The following ERMARD variants were observed in gnomAD, a reference collection of about 807,000 sequenced individuals.
The protein encoded by ERMARD is ER membrane associated RNA degradation.
In ERMARD, 71 loss-of-function variants were observed where a neutral mutation model predicts 83.9. That is an observed-to-expected ratio of 0.85 (90% confidence interval 0.70 to 1.03). The LOEUF (loss-of-function observed/expected upper bound fraction) is 1.03. ERMARD is among the 50% of genes least tolerant of loss of function. The pLI, the probability that ERMARD is intolerant of heterozygous loss-of-function variation, is 0.00. For synonymous variants in ERMARD, 284 were observed against 298.6 expected, an observed-to-expected ratio of 0.95 and a Z score of 0.50; for missense variants, 838 against 810.9, an observed-to-expected ratio of 1.03 and a Z score of -0.41.
chr6:169,751,728 G>C (rs1050474518), intron 1 of ERMARD, 65 bp downstream of exon 1: 13 of 1,496,490 alleles, frequency 8.7e-6, no homozygotes, highest in Non-Finnish European at 1.2e-5. Flanking sequence ...AGGCTGGGTG[G>C]TGCTCGGCTA....
chr6:169,762,379 A>G (rs1423377454), intron 8 of ERMARD, 50 bp from the exon 9 acceptor site: 1 of 1,548,648 alleles, frequency 6.5e-7, no homozygotes, highest in South Asian at 1.1e-5. Context: ...CTGGCCTAAT[A>G]TTTATTTTTG....
Position 169,755,374 on chromosome 6 carries a change from A to C in ERMARD, c.267A>C (p.Gln89His). The change falls in exon 3 of 18, where the codon CAA becomes CAC. Residue 89 changes from glutamine to histidine, a missense_variant. Gln to His is a conservative substitution (Grantham distance 24). Coordinates refer to ENST00000366773, the MANE Select transcript of ERMARD (RefSeq NM_018341.3). ...ATTTCTTATCTCTGACCAAGGGGCA[A>C]TTTGAAATTCGATATGCACCGTGGT... ...HSHFLSLTKG[Q>H]FEIRYAPWFQ... The C allele has an allele frequency of 6.2e-7, 1 of 1,614,194 alleles. No individual in the cohort carries two copies. Among genetic ancestry groups the C allele is most frequent in the Non-Finnish European group, 8.5e-7 (1 of 1,180,036 alleles).
In ERMARD at chr6:169,776,580, A is replaced by G; in HGVS notation, c.1646A>G (p.Gln549Arg). The part of the protein sequence containing the change: ...ISEQCRRVSS[Q>R]VTVASELRHR... ...GAACAGTGCCGCCGTGTGTCCAGCC[A>G]GGTCACCGTTGCCTCAGAGCTGAGA... The change falls in exon 16 of 18, where the codon CAG (glutamine) becomes CGG (arginine). Residue 549 changes from glutamine (Q) to arginine (R), a missense_variant. Coordinates refer to ENST00000366773, the MANE Select transcript of ERMARD (RefSeq NM_018341.3). 1 of 1,614,262 alleles carries G rather than the reference A, an allele frequency of 6.2e-7. No individual in the cohort carries two copies. Among genetic ancestry groups the G allele is most frequent in the Non-Finnish European group, 8.5e-7 (1 of 1,180,044 alleles).
chr6:169,765,957 G>A (rs550953278), intron 9 of ERMARD, among the ~76,000 whole-genome samples: 5 of 99,156 alleles, frequency 5.0e-5, no homozygotes, highest in South Asian at 3.2e-4. Flanking sequence ...AAGTGATTTC[G>A]TCACGCTGTC....
At chr6:169,756,316 A>G in intron 3 of ERMARD, 22 bp from the exon 4 acceptor site, 1 of 1,460,282 alleles carries the variant, frequency 6.8e-7, no homozygotes, top group Non-Finnish European at 9.5e-7. Flanking sequence ...GTACATCCTA[A>G]TATGTGTTTT....
chr6:169,769,587 A>G lies in ERMARD; in HGVS notation c.1107A>G (p.Arg369=), dbSNP rs1585393906. 1 of 1,612,736 alleles carries G rather than the reference A, an allele frequency of 6.2e-7. No homozygotes were observed. The highest frequency in any genetic ancestry group is 8.5e-7 in the Non-Finnish European group (1 of 1,179,494). Residue 369 remains arginine, a synonymous_variant, in exon 12 of 18, where the codon AGA becomes AGG. Coordinates refer to ENST00000366773, the MANE Select transcript of ERMARD (RefSeq NM_018341.3). ...ACCATCAGGAGGGTCCCCGCATAAG[A>G]GATCATTTAAGCCACGGGGAGATCA... ...FLNHQEGPRI[R]DHLSHGEINL...
chr6:169,781,549 A>C lies in ERMARD; in HGVS notation c.*36A>C. On this transcript the variant is annotated 3_prime_UTR_variant, in exon 18 of 18. Coordinates refer to ENST00000366773, the MANE Select transcript of ERMARD (RefSeq NM_018341.3). Reference sequence around the variant, plus strand: ...GTCAGGATGCTTTTAATTTTAACAGATTTTAACAGCGTGTAAATTAAAAAC... The same window carrying C: ...GTCAGGATGCTTTTAATTTTAACAGCTTTTAACAGCGTGTAAATTAAAAAC... The C allele has an allele frequency of 1.3e-6, 2 of 1,549,174 alleles. No homozygotes were observed. The highest frequency in any genetic ancestry group is 1.7e-6 in the Non-Finnish European group (2 of 1,147,550).
chr6:169,757,101 T>C (rs1790911274), intron 5 of ERMARD, among the ~76,000 whole-genome samples: 1 of 152,124 alleles, frequency 6.6e-6, no homozygotes, highest in African/African-American at 2.4e-5. Context: ...GATTCAGCTG[T>C]CTCCCCCTGC....
chr6:169,769,634 AAAC>A lies in ERMARD; in HGVS notation c.1158_1160del (p.Thr387del). 6.2e-7 allele frequency: 1 copy of A among 1,613,364 alleles called. No homozygotes were observed. Among genetic ancestry groups the A allele is most frequent in the South Asian group, 1.1e-5 (1 of 90,768 alleles). The stretch of plus-strand genomic sequence containing the variant: ...ATCAACTTACATGAATTTTCAAAAG[AAAC>A]AACTAATCAGTTGCTTGCATTTTCT... On this transcript the variant is annotated inframe_deletion, in exon 12 of 18. Transcript: ENST00000366773.
intron 14 of ERMARD, 111 bp downstream of exon 14, chr6:169,775,457 T>C: frequency 8.1e-7 from 1 of 1,238,240 alleles, no homozygotes; most frequent in African/African-American, 1.5e-5. Flanking sequence ...AAGGAGGAAT[T>C]TCTGGGCCTT....
chr6:169,777,737 A>G (rs1403439967), intron 16 of ERMARD, among the ~76,000 whole-genome samples: 1 of 152,156 alleles, frequency 6.6e-6, no homozygotes, highest in Non-Finnish European at 1.5e-5. Flanking sequence ...AAATGAGGCA[A>G]TAATGTTTGC....
intron 2 of ERMARD, 25 bp downstream of exon 2, chr6:169,754,057 A>G (rs770807460): frequency 1.3e-6 from 2 of 1,573,748 alleles, no homozygotes; most frequent in South Asian, 1.2e-5. Flanking sequence ...TGTACTCCAA[A>G]CTTTCATAAC....
At chr6:169,775,786 T>C in intron 14 of ERMARD, 154 bp from the exon 15 acceptor site, 1 of 989,592 alleles carries the variant, frequency 1.0e-6, no homozygotes, top group Non-Finnish European at 1.4e-6. Flanking sequence ...GTTTCTCCAC[T>C]GTATTGTCAT....
chr6:169,762,462 A>G lies in ERMARD; in HGVS notation c.891A>G (p.Gln297=), dbSNP rs147094693. ...ACTGCGCCATATTGTTGCTGACACA[A>G]CTGGAGACTGGACTTAGGAATGTTT... is the stretch of plus-strand genomic sequence containing the variant. ...FADCAILLLT[Q]LETGLRNVFA... Residue 297 remains glutamine (Q), a synonymous_variant, in exon 9 of 18, where the codon CAA becomes CAG. Coordinates refer to ENST00000366773, the MANE Select transcript of ERMARD (RefSeq NM_018341.3). 7 of 1,614,058 alleles carry G rather than the reference A, an allele frequency of 4.3e-6. No individual in the cohort carries two copies. Among genetic ancestry groups the G allele is most frequent in the Admixed American group, 1.7e-5 (1 of 60,002 alleles).
At chr6:169,758,520 C>G (rs1391054626) in intron 5 of ERMARD, among the ~76,000 whole-genome samples, 3 of 152,232 alleles carry the variant, frequency 2.0e-5, no homozygotes, top group African/African-American at 7.2e-5. Context: ...TCTGTTTAAC[C>G]ACACAATTGC....
intron 15 of ERMARD, 142 bp downstream of exon 15, chr6:169,776,207 T>A: frequency 6.6e-7 from 1 of 1,514,518 alleles, no homozygotes; most frequent in South Asian, 1.2e-5. Context: ...GGAGGAATTA[T>A]GAGATAAGTT....
intron 12 of ERMARD, 55 bp from the exon 13 acceptor site, chr6:169,773,264 A>G: frequency 6.7e-7 from 1 of 1,500,210 alleles, no homozygotes; most frequent in Non-Finnish European, 9.2e-7. Flanking sequence ...GTTCAATAGA[A>G]GAAAGCTAAA....
rs1247373740 is a variant in ERMARD at position 169,776,135 on chromosome 6, T to G, written c.1520+70T>G. 6.3e-6 allele frequency: 10 copies of G among 1,587,476 alleles called. No individual in the cohort carries two copies. In the East Asian group the frequency reaches 2.2e-4, roughly 36 times the overall value. ...CAGATTAGCATAGCAAACTTAGCAT[T>G]TTCTATGTTTTAGATTTTATAAACT... On this transcript the variant is annotated intron_variant, in intron 15 of 17. Transcript: ENST00000366773.
At chr6:169,780,632 G>C (rs1276926701) in intron 17 of ERMARD, among the ~76,000 whole-genome samples, 1 of 152,230 alleles carries the variant, frequency 6.6e-6, no homozygotes, top group Non-Finnish European at 1.5e-5. Flanking sequence ...GGATGTGTGA[G>C]GAGGGGGAGG....
Sources: allele counts gnomAD v4.1 joint callset (sites outside exome capture counted in the v4.1 genomes callset), GRCh38; gene constraint gnomAD v4.1.1; transcripts MANE v1.5; gene names NCBI Gene and HGNC (gene_info 2026-07-23, HGNC 2026-07-21).